The following MANEA variants were observed in gnomAD, a reference collection of about 807,000 sequenced individuals.
The protein encoded by MANEA is mannosidase endo-alpha, also known as glycoprotein endo-alpha-1,2-mannosidase.
MANEA carries 25 observed loss-of-function variants against 36.8 expected under a neutral mutation model. The ratio of observed to expected loss-of-function variants is 0.68; its 90% CI spans 0.50 to 0.95. The LOEUF (loss-of-function observed/expected upper bound fraction) is 0.95. Among genes scored for constraint, MANEA ranks in the 40% least tolerant of loss-of-function variants. MANEA has a pLI of 0.00. For missense variants in MANEA, 565 were observed against 558.8 expected, an observed-to-expected ratio of 1.01 and a Z score of -0.11; for synonymous variants, 198 against 188.5, an observed-to-expected ratio of 1.05 and a Z score of -0.41.
At chr6:95,597,750 TAA>T (rs1769507594) in intron 3 of MANEA, among the ~76,000 whole-genome samples, 1 of 152,030 alleles carries the variant, frequency 6.6e-6, no homozygotes, top group Non-Finnish European at 1.5e-5. Flanking sequence ...CAATGGGACC[TAA>T]ATAATAAGAC....
At chr6:95,585,127 C>G (rs950389024) in intron 1 of MANEA, among the ~76,000 whole-genome samples, 2 of 115,274 alleles carry the variant, frequency 1.7e-5, no homozygotes, top group African/African-American at 3.5e-5. Context: ...TACCTATATA[C>G]TTATACTCAT....
Position 95,606,037 on chromosome 6 carries a change from C to A in MANEA, c.1021C>A (p.Leu341Ile), listed in dbSNP as rs1272025561. 6.2e-7 allele frequency: 1 copy of A among 1,613,732 alleles called. No individual in the cohort carries two copies. ...YGSSHQNWASLKLFCDKYNLI... is the reference protein window; with the variant it reads ...YGSSHQNWASIKLFCDKYNLI... The stretch of plus-strand genomic sequence containing the variant: ...CTCATCACATCAGAATTGGGCTAGC[C>A]TAAAATTATTTTGTGATAAATACAA... Residue 341 changes from leucine to isoleucine, a missense_variant, in exon 5 of 5, where the codon CTA becomes ATA. By Grantham distance (5) the Leu-to-Ile change is conservative. Coordinates refer to ENST00000358812, the MANE Select transcript of MANEA (RefSeq NM_024641.4).
At chr6:95,593,370 T>G (rs140671892) in intron 2 of MANEA, among the ~76,000 whole-genome samples, 1 of 152,230 alleles carries the variant, frequency 6.6e-6, no homozygotes, top group East Asian at 1.9e-4. Flanking sequence ...ATAACAACAT[T>G]GTAAGGGAGA....
At chr6:95,581,745 G>C (rs1769186771) in intron 1 of MANEA, among the ~76,000 whole-genome samples, 1 of 152,134 alleles carries the variant, frequency 6.6e-6, no homozygotes, top group Non-Finnish European at 1.5e-5. Context: ...CCATTCAGCT[G>C]AAGTCAACGT....
chr6:95,596,694 C>T (rs1489958998), intron 2 of MANEA, 43 bp from the exon 3 acceptor site: 1 of 1,022,812 alleles, frequency 9.8e-7, no homozygotes, highest in Non-Finnish European at 1.5e-6. Flanking sequence ...TATCTGCATT[C>T]ATGTTCTTGT....
At chr6:95,595,131 C>G (rs1393364800) in intron 2 of MANEA, among the ~76,000 whole-genome samples, 1 of 152,012 alleles carries the variant, frequency 6.6e-6, no homozygotes, top group Non-Finnish European at 1.5e-5. Flanking sequence ...CATAATCTTT[C>G]TGTTGTTTAA....
chr6:95,604,828 T>G lies in MANEA; in HGVS notation c.656T>G (p.Val219Gly). 3 of 1,405,916 alleles carry G rather than the reference T, an allele frequency of 2.1e-6. No homozygotes were observed. Among genetic ancestry groups the G allele is most frequent in the Non-Finnish European group, 2.9e-6 (3 of 1,033,880 alleles). The allele number at this position is 1,405,916 out of a possible 1,614,324, so 87.1% of individuals were successfully genotyped here. ...LDKAHKYNLK[V>G]TFHIEPYSNR... ...AACTGATTTTATTGTTTGTTTTAGGTTACTTTTCACATAGAACCATATAGC... is the reference window on the plus strand; with the variant it reads ...AACTGATTTTATTGTTTGTTTTAGGGTACTTTTCACATAGAACCATATAGC... Residue 219 changes from valine (V) to glycine (G), a missense_variant and splice_region_variant, in exon 4 of 5, where the codon GTT becomes GGT. Transcript: ENST00000358812.
chr6:95,584,753 G>T (rs538651616), intron 1 of MANEA, among the ~76,000 whole-genome samples: 1 of 152,258 alleles, frequency 6.6e-6, no homozygotes, highest in South Asian at 2.1e-4. Context: ...TGGCTCAGGT[G>T]GGCATCATGG....
chr6:95,604,487 C>T (rs1769663743), intron 3 of MANEA, among the ~76,000 whole-genome samples: 1 of 151,848 alleles, frequency 6.6e-6, no homozygotes, highest in Non-Finnish European at 1.5e-5. Flanking sequence ...CATTTGAACT[C>T]GGAATTCAGA....
intron 2 of MANEA, among the ~76,000 whole-genome samples, chr6:95,591,089 G>A (rs1396451776): frequency 1.3e-5 from 2 of 152,250 alleles, no homozygotes; most frequent in East Asian, 1.9e-4. Context: ...GTCATAGTTT[G>A]CTGATCACTC....
At chr6:95,590,329 A>T (rs1456021820) in intron 2 of MANEA, among the ~76,000 whole-genome samples, 1 of 152,204 alleles carries the variant, frequency 6.6e-6, no homozygotes. Context: ...TTGATTTTCC[A>T]TGACGTTCCA....
rs568720129 is a variant in MANEA at position 95,577,875 on chromosome 6, A to G, written c.-39+237A>G. 7.9e-5 allele frequency among the ~76,000 whole-genome samples: 12 copies of G among 152,344 alleles called. No individual in the cohort carries two copies. In the South Asian group the frequency reaches 2.1e-3, roughly 26 times the overall value. On this transcript the variant is annotated intron_variant, in intron 1 of 4. Coordinates refer to ENST00000358812, the MANE Select transcript of MANEA (RefSeq NM_024641.4). ...TCTTAGGCCTGTTTTAGTCTGCGTT[A>G]GTTTTACTGCCTTTTACACTGCTTT...
In MANEA at chr6:95,605,970, T is replaced by C; in HGVS notation, c.954T>C (p.Asp318=). The change falls in exon 5 of 5, where the codon GAT becomes GAC. Residue 318 remains aspartate (D), a synonymous_variant. Coordinates refer to ENST00000358812, the MANE Select transcript of MANEA (RefSeq NM_024641.4). ...HKYDILQSGF[D]GIYTYFATNG... ...ATGATATTCTTCAAAGTGGTTTTGA[T>C]GGAATTTACACATATTTTGCCACAA... is the stretch of plus-strand genomic sequence containing the variant. 6.2e-7 allele frequency: 1 copy of C among 1,614,034 alleles called. No homozygotes were observed. The highest frequency in any genetic ancestry group is 8.5e-7 in the Non-Finnish European group (1 of 1,179,950).
intron 1 of MANEA, among the ~76,000 whole-genome samples, chr6:95,584,353 CATTAAT>C (rs1769239308): frequency 1.3e-5 from 2 of 152,086 alleles, no homozygotes; most frequent in African/African-American, 4.8e-5. Flanking sequence ...TAGCAAGGAA[CATTAAT>C]ATTAAGACCC....
At chr6:95,578,620 C>A (rs935313962) in intron 1 of MANEA, among the ~76,000 whole-genome samples, 1 of 152,168 alleles carries the variant, frequency 6.6e-6, no homozygotes, top group East Asian at 1.9e-4. Flanking sequence ...TGTGGATTTT[C>A]AGGCTCAATG....
At position 95,577,584 on chromosome 6, in the gene MANEA, G is replaced by C. The variant is rs1010539580; in HGVS notation, c.-93G>C. 2.0e-5 allele frequency: 3 copies of C among 152,328 alleles called. No individual in the cohort carries two copies. The highest frequency in any genetic ancestry group is 7.2e-5 in the African/African-American group (3 of 41,452). The allele number at this position is 152,328 out of a possible 1,614,324, so 9.4% of individuals were successfully genotyped here. ...CGGCGGCAGTCAGCTCTATGTTCGCGGTCTTAACCTCTCCTCTGGCCGAGT... is the reference window on the plus strand; with the variant it reads ...CGGCGGCAGTCAGCTCTATGTTCGCCGTCTTAACCTCTCCTCTGGCCGAGT... On this transcript the variant is annotated 5_prime_UTR_variant, in exon 1 of 5. Transcript: ENST00000358812.
intron 2 of MANEA, chr6:95,588,327 A>G (rs1043103717): frequency 3.3e-5 from 5 of 152,090 alleles, no homozygotes; most frequent in African/African-American, 1.2e-4. Context: ...GAACAAAACA[A>G]TGTAGAATTC....
In MANEA at chr6:95,594,081, CAT is replaced by C. The variant is rs1454000216; in HGVS notation, c.545-2655_545-2654del. Among the ~76,000 whole-genome samples, 3 of 151,614 alleles carry C rather than the reference CAT, an allele frequency of 2.0e-5. No individual in the cohort carries two copies. In the East Asian group the frequency reaches 5.8e-4, roughly 29 times the overall value. On this transcript the variant is annotated intron_variant, in intron 2 of 4. Transcript: ENST00000358812. Reference sequence around the variant, plus strand: ...GTCTCAAAAAAAAAAAGCAAAAGCTCATGTGTGTGTACATGTGTATGTGCGTG... The same window carrying C: ...GTCTCAAAAAAAAAAAGCAAAAGCTCGTGTGTGTACATGTGTATGTGCGTG...
chr6:95,596,992 A>G (rs1769494555), intron 3 of MANEA, 146 bp downstream of exon 3: 1 of 438,354 alleles, frequency 2.3e-6, no homozygotes, highest in Non-Finnish European at 4.0e-6. Context: ...GAAAATTTCT[A>G]TAATAGGAAT....
Sources: allele counts gnomAD v4.1 joint callset (sites outside exome capture counted in the v4.1 genomes callset), GRCh38; gene constraint gnomAD v4.1.1; transcripts MANE v1.5; gene names NCBI Gene and HGNC (gene_info 2026-07-23, HGNC 2026-07-21).